Variants in SLC30A7 observed in about 807,000 individuals in gnomAD.
SLC30A7 encodes the protein zinc transporter 7.
In SLC30A7, 35 loss-of-function variants were observed where a neutral mutation model predicts 46.0. The observed-to-expected ratio is 0.76, with a 90% CI of 0.58 to 1.01. The LOEUF is 1.01. SLC30A7 is among the 50% of genes least tolerant of loss of function. The pLI, the probability that SLC30A7 is intolerant of heterozygous loss-of-function variation, is 0.00. For missense variants in SLC30A7, 464 were observed against 451.1 expected (o/e 1.03, Z -0.26); for synonymous variants, 147 against 157.8 (o/e 0.93, Z 0.51).
At chr1:100,935,503 A>G (rs988647642) in intron 8 of SLC30A7, among the ~76,000 whole-genome samples, 2 of 152,196 alleles carry the variant, frequency 1.3e-5, no homozygotes, top group Admixed American at 1.3e-4. Context: ...ATAGTGATAG[A>G]CTTGGTGACT....
chr1:100,952,558 C>A (rs1655013482), intron 8 of SLC30A7, among the ~76,000 whole-genome samples: 1 of 152,052 alleles, frequency 6.6e-6, no homozygotes, highest in Non-Finnish European at 1.5e-5. Flanking sequence ...TTGACTCTTA[C>A]TCATTCATCA....
rs139618641 is a variant in SLC30A7 at position 100,968,644 on chromosome 1, T to C, written c.1083+2726T>C. Among the ~76,000 whole-genome samples the C allele has an allele frequency of 5.7e-3, 864 of 152,282 alleles. 3 individuals are homozygous for C. The highest frequency in any genetic ancestry group is 0.025 in the South Asian group (122 of 4,826). ...CCAAACCCACCAGACTGTTTACTTT[T>C]CTGTGAGGGACAAAAATCCTACTCT... On this transcript the variant is annotated intron_variant, in intron 10 of 10. Coordinates refer to ENST00000357650, the MANE Select transcript of SLC30A7 (RefSeq NM_133496.5).
intron 6 of SLC30A7, among the ~76,000 whole-genome samples, chr1:100,916,410 C>A (rs925972076): frequency 1.1e-4 from 17 of 152,250 alleles, no homozygotes; most frequent in East Asian, 3.9e-4. Context: ...TGGTCTCAAT[C>A]TCCTGACATC....
intron 10 of SLC30A7, among the ~76,000 whole-genome samples, chr1:100,971,964 TAGG>T (rs1322020580): frequency 2.6e-5 from 4 of 152,142 alleles, no homozygotes; most frequent in Admixed American, 1.3e-4. Flanking sequence ...TTTATTTTCT[TAGG>T]AGCATGAAAG....
At chr1:100,926,900 C>T (rs1007322085) in intron 8 of SLC30A7, among the ~76,000 whole-genome samples, 1 of 152,110 alleles carries the variant, frequency 6.6e-6, no homozygotes, top group Admixed American at 6.5e-5. Context: ...TTTAGAAGGG[C>T]TTGGAAAGTC....
At chr1:100,995,112 G>C in the SLC30A7 span, 1 of 1,571,918 alleles carries the variant, frequency 6.4e-7, no homozygotes, top group Admixed American at 1.7e-5. Context: ...TAACTTACTT[G>C]ATTAGATTTT....
intron 8 of SLC30A7, among the ~76,000 whole-genome samples, chr1:100,936,770 C>G (rs1653987043): frequency 6.6e-6 from 1 of 152,130 alleles, no homozygotes; most frequent in African/African-American, 2.4e-5. Flanking sequence ...ACCTCAGCCC[C>G]TAGCAACCAC....
chr1:100,953,546 T>C (rs933378369), intron 8 of SLC30A7, among the ~76,000 whole-genome samples: 1 of 152,302 alleles, frequency 6.6e-6, no homozygotes, highest in Admixed American at 6.5e-5. Flanking sequence ...AAAATGCAGA[T>C]TTGCCTAAAG....
intron 2 of SLC30A7, among the ~76,000 whole-genome samples, chr1:100,903,202 C>T (rs376611267): frequency 6.6e-6 from 1 of 152,122 alleles, no homozygotes; most frequent in African/African-American, 2.4e-5. Flanking sequence ...GAACACAACT[C>T]TATCATTTTA....
At chr1:100,959,907 A>C (rs1655442234) in intron 8 of SLC30A7, among the ~76,000 whole-genome samples, 1 of 152,114 alleles carries the variant, frequency 6.6e-6, no homozygotes, top group Non-Finnish European at 1.5e-5. Flanking sequence ...CTATTATAAT[A>C]ATCCACGTAA....
intron 8 of SLC30A7, among the ~76,000 whole-genome samples, chr1:100,924,534 T>C (rs72734256): frequency 0.19 from 28,574 of 152,052 alleles, 2,895 homozygotes; most frequent in African/African-American, 0.26. Flanking sequence ...GTTGATTGCA[T>C]GTATAGCACC....
chr1:100,980,624 G>A lies in SLC30A7; in HGVS notation c.*5767G>A, dbSNP rs1331097572. 4 of 151,222 alleles carry A rather than the reference G, an allele frequency of 2.6e-5. No homozygotes were observed. 9.4% of individuals were successfully genotyped at this position (151,222 alleles called of 1,614,324 possible). Reference sequence around the variant, plus strand: ...CAGAAGACATCTCAGCATTTCTTTGGCATTTTTGCACAAATAAATGACTAT... The same window carrying A: ...CAGAAGACATCTCAGCATTTCTTTGACATTTTTGCACAAATAAATGACTAT... On this transcript the variant is annotated 3_prime_UTR_variant, in exon 11 of 11. Coordinates refer to ENST00000357650, the MANE Select transcript of SLC30A7 (RefSeq NM_133496.5).
At position 100,948,144 on chromosome 1, in the gene SLC30A7, C is replaced by T. The variant is rs192462817; in HGVS notation, c.843-13684C>T. Among the ~76,000 whole-genome samples the T allele has an allele frequency of 3.0e-3, 457 of 151,536 alleles. 3 individuals carry two copies. Among genetic ancestry groups the T allele is most frequent in the African/African-American group, 0.01 (431 of 41,312 alleles). On this transcript the variant is annotated intron_variant, in intron 8 of 10. Transcript: ENST00000357650. ...AATTGATGCAGTTTCTTCATAGCATCGATGGTCTTTACAATTTGGCATGTT... is the reference window on the plus strand; with the variant it reads ...AATTGATGCAGTTTCTTCATAGCATTGATGGTCTTTACAATTTGGCATGTT...
At chr1:100,970,499 C>T (rs1196885949) in intron 10 of SLC30A7, among the ~76,000 whole-genome samples, 1 of 151,912 alleles carries the variant, frequency 6.6e-6, no homozygotes, top group Non-Finnish European at 1.5e-5. Context: ...TTGCTAAAAG[C>T]CACTTCAGTA....
chr1:100,974,787 CTT>C, intron 10 of SLC30A7, 21 bp from the exon 11 acceptor site: 9 of 1,455,726 alleles, frequency 6.2e-6, no homozygotes, highest in South Asian at 3.9e-5. Context: ...GATTTTCTAA[CTT>C]TTTTTTTTCT....
chr1:100,982,857 C>A (rs1463565202), downstream of SLC30A7, among the ~76,000 whole-genome samples: 1 of 152,188 alleles, frequency 6.6e-6, no homozygotes, highest in Non-Finnish European at 1.5e-5. Context: ...GACTCCCTAC[C>A]TATCCTGTCT....
intron 6 of SLC30A7, among the ~76,000 whole-genome samples, chr1:100,916,773 C>T (rs1652588592): frequency 2.7e-5 from 4 of 148,170 alleles, no homozygotes. Flanking sequence ...CTACCCTTCC[C>T]AGCCTCTGGT....
chr1:100,935,439 T>C (rs924704960), intron 8 of SLC30A7, among the ~76,000 whole-genome samples: 21 of 152,384 alleles, frequency 1.4e-4, no homozygotes, highest in African/African-American at 5.0e-4. Context: ...GTGTGTCTTC[T>C]GCCATTTTAT....
At chr1:100,936,160 A>G (rs1191705711) in intron 8 of SLC30A7, among the ~76,000 whole-genome samples, 2 of 151,328 alleles carry the variant, frequency 1.3e-5, no homozygotes, top group East Asian at 3.9e-4. Flanking sequence ...GGTGAATTAC[A>G]TGCTTTTCTT....
Sources: gnomAD v4.1 joint callset for allele counts (sites outside exome capture counted in the v4.1 genomes callset) on GRCh38, gnomAD v4.1.1 for gene constraint, MANE v1.5 for transcripts, NCBI Gene and HGNC (gene_info 2026-07-23, HGNC 2026-07-21) for gene names.